MAD1L1: variants seen among roughly 807,000 people sequenced by gnomAD.
MAD1L1 encodes mitotic arrest deficient 1 like 1.
MAD1L1 carries 95 observed loss-of-function variants against 96.9 expected under a neutral mutation model. The ratio of observed to expected loss-of-function variants is 0.98; its 90% CI spans 0.83 to 1.16. The LOEUF is 1.16. Among genes scored for constraint, MAD1L1 ranks in the 50% most tolerant of loss-of-function variants. The pLI, the probability that MAD1L1 is intolerant of heterozygous loss-of-function variation, is 0.00. For missense variants in MAD1L1, 1,007 were observed against 954.4 expected, an observed-to-expected ratio of 1.06 and a Z score of -0.73; for synonymous variants, 473 against 396.6, an observed-to-expected ratio of 1.19 and a Z score of -2.29.
intron 14 of MAD1L1, among the ~76,000 whole-genome samples, chr7:1,993,803 C>T (rs760602584): frequency 3.3e-5 from 5 of 152,212 alleles, no homozygotes; most frequent in Admixed American, 6.5e-5. Context: ...GGAAAGGGGA[C>T]AGAGGGAAGA....
chr7:1,838,566 G>T lies in MAD1L1; in HGVS notation c.1999-22338C>A, dbSNP rs1257100613. On this transcript the variant is annotated intron_variant, in intron 18 of 18. Transcript: ENST00000265854. ...CGTGAAAACCTTACGCTCAGCGAAA[G>T]ATGCCAGATGCCAGAGACCACTCGC... The T allele has an allele frequency of 3.7e-5, 13 of 354,330 alleles. No homozygotes were observed. The Admixed American group carries it at 4.5e-4, about 12-fold the overall frequency. 21.9% of individuals were successfully genotyped at this position (354,330 alleles called of 1,614,324 possible).
At chr7:2,216,888 G>A (rs1437988086) in intron 7 of MAD1L1, among the ~76,000 whole-genome samples, 1 of 152,164 alleles carries the variant, frequency 6.6e-6, no homozygotes, top group East Asian at 1.9e-4. Context: ...GCTGCACCAG[G>A]GGCCTCGAAG....
At chr7:2,030,917 C>A (rs1406461250) in intron 12 of MAD1L1, among the ~76,000 whole-genome samples, 1 of 152,204 alleles carries the variant, frequency 6.6e-6, no homozygotes, top group Non-Finnish European at 1.5e-5. Context: ...CCTCTCTGTT[C>A]TTCCTCATTT....
chr7:1,944,681 G>A (rs544354072), intron 16 of MAD1L1, among the ~76,000 whole-genome samples: 28 of 152,282 alleles, frequency 1.8e-4, no homozygotes, highest in Non-Finnish European at 3.2e-4. Flanking sequence ...CTCCACAGCC[G>A]GAAGAGCCTC....
At chr7:2,051,697 C>T (rs1459918341) in intron 12 of MAD1L1, among the ~76,000 whole-genome samples, 3 of 140,742 alleles carry the variant, frequency 2.1e-5, no homozygotes, top group Non-Finnish European at 4.6e-5. Flanking sequence ...CCCTACCTCC[C>T]CCAACCCCCC....
At chr7:1,952,183 A>G (rs915501790) in intron 16 of MAD1L1, among the ~76,000 whole-genome samples, 3 of 152,232 alleles carry the variant, frequency 2.0e-5, no homozygotes, top group African/African-American at 4.8e-5. Flanking sequence ...CCTTGTGGGC[A>G]GAACATTCCT....
chr7:1,985,907 G>A (rs972231425), intron 14 of MAD1L1, among the ~76,000 whole-genome samples: 3 of 152,026 alleles, frequency 2.0e-5, no homozygotes, highest in African/African-American at 7.3e-5. Context: ...AGACTCTACC[G>A]CCTCGTTAAC....
Position 2,014,556 on chromosome 7 carries a change from C to T in MAD1L1, c.1305G>A (p.Met435Ile). The change falls in exon 13 of 19, where the codon ATG becomes ATA. Residue 435 changes from methionine to isoleucine, a missense_variant. Met to Ile is a conservative substitution (Grantham distance 10, BLOSUM62 1). Transcript: ENST00000265854. ...TCTGCACCATATCCTCAGCCTCCCG[C>T]ATGCGCCGCGTCAGCTGGGGTGAGT... ...AEYSPQLTRRMREAEDMVQKV... is the reference protein window; with the variant it reads ...AEYSPQLTRRIREAEDMVQKV... 2 of 1,611,306 alleles carry T rather than the reference C, an allele frequency of 1.2e-6. No homozygotes were observed. The highest frequency in any genetic ancestry group is 1.7e-6 in the Non-Finnish European group (2 of 1,179,764).
intron 12 of MAD1L1, among the ~76,000 whole-genome samples, chr7:2,047,830 T>G (rs1783993715): frequency 6.6e-6 from 1 of 151,968 alleles, no homozygotes; most frequent in African/African-American, 2.4e-5. Context: ...GAGAGCTGAC[T>G]CCACAGACAC....
rs550020323 is a variant in MAD1L1, at chr7:2,007,405, G to A, written c.1360-5284C>T. 2.4e-4 allele frequency among the ~76,000 whole-genome samples: 36 copies of A among 152,372 alleles called. 1 individual carries two copies. Among genetic ancestry groups the A allele is most frequent in the Middle Eastern group, 3.4e-3 (1 of 294 alleles). Reference sequence around the variant, plus strand: ...GCAATGTCTTAAGAAGTTAGGGCCCGGCCCGGTGGCTCACGCCTGGAATCC... The same window carrying A: ...GCAATGTCTTAAGAAGTTAGGGCCCAGCCCGGTGGCTCACGCCTGGAATCC... On this transcript the variant is annotated intron_variant, in intron 13 of 18. Transcript: ENST00000265854.
At chr7:2,126,274 C>G (rs1788226892) in intron 11 of MAD1L1, among the ~76,000 whole-genome samples, 1 of 152,226 alleles carries the variant, frequency 6.6e-6, no homozygotes. Context: ...GAGTGCAACC[C>G]TCGGAGGGCC....
At chr7:2,213,457 A>C (rs1199424945) in intron 9 of MAD1L1, among the ~76,000 whole-genome samples, 184 bp from the exon 10 acceptor site, 2 of 152,220 alleles carry the variant, frequency 1.3e-5, no homozygotes, top group Non-Finnish European at 2.9e-5. Flanking sequence ...CCCCAACTGC[A>C]GAAGCCACAC....
At chr7:1,857,596 C>T (rs1023275753) in intron 18 of MAD1L1, among the ~76,000 whole-genome samples, 16 of 152,296 alleles carry the variant, frequency 1.1e-4, no homozygotes, top group African/African-American at 3.1e-4. Flanking sequence ...GGGCTGGGCC[C>T]GAGGATGAGC....
chr7:2,036,403 C>T (rs985280217), intron 12 of MAD1L1, among the ~76,000 whole-genome samples: 3 of 152,246 alleles, frequency 2.0e-5, no homozygotes, highest in Non-Finnish European at 4.4e-5. Flanking sequence ...CATTCCTGCG[C>T]CACCTCCGTG....
intron 10 of MAD1L1, among the ~76,000 whole-genome samples, chr7:2,183,758 G>A (rs189845421): frequency 6.6e-6 from 1 of 152,000 alleles, no homozygotes; most frequent in Admixed American, 6.6e-5. Flanking sequence ...GTCGTGGGGT[G>A]GGGGGAGCGG....
intron 12 of MAD1L1, among the ~76,000 whole-genome samples, chr7:2,057,377 C>G (rs1032327539): frequency 1.3e-5 from 2 of 152,182 alleles, no homozygotes; most frequent in Non-Finnish European, 2.9e-5. Context: ...ATTCACCGGG[C>G]ATGGTGGTGT....
intron 13 of MAD1L1, among the ~76,000 whole-genome samples, chr7:2,006,868 A>G (rs1782055992): frequency 6.6e-6 from 1 of 152,208 alleles, no homozygotes; most frequent in African/African-American, 2.4e-5. Flanking sequence ...GACAAGCTGT[A>G]GGAACCAGCA....
chr7:2,002,967 C>T (rs1781867463), intron 13 of MAD1L1, among the ~76,000 whole-genome samples: 1 of 3,556 alleles, frequency 2.8e-4, no homozygotes. Flanking sequence ...CCACTGCCCC[C>T]ACCACCTAAA....
At chr7:2,112,877 G>C (rs943718708) in intron 11 of MAD1L1, among the ~76,000 whole-genome samples, 1 of 151,966 alleles carries the variant, frequency 6.6e-6, no homozygotes, top group East Asian at 1.9e-4. Context: ...AAAAAAAAAG[G>C]CTTTAAAAAA....
Sources: allele counts gnomAD v4.1 joint callset (sites outside exome capture counted in the v4.1 genomes callset), GRCh38; gene constraint gnomAD v4.1.1; transcripts MANE v1.5; gene names NCBI Gene and HGNC (gene_info 2026-07-23, HGNC 2026-07-21).